Variants in DGKG observed in about 807,000 individuals in gnomAD.
The protein encoded by DGKG is DAG kinase gamma.
DGKG carries 78 observed loss-of-function variants against 105.3 expected under a neutral mutation model. The ratio of observed to expected loss-of-function variants is 0.74; its 90% confidence interval spans 0.62 to 0.89. The LOEUF is 0.89. Ranked by LOEUF, DGKG falls within the 40% of genes least tolerant of loss-of-function variation. The pLI, the probability that DGKG is intolerant of heterozygous loss-of-function variation, is 0.00. For missense variants in DGKG, 958 were observed against 1,020.1 expected, an observed-to-expected ratio of 0.94 and a Z score of 0.83; for synonymous variants, 346 against 367.1, an observed-to-expected ratio of 0.94 and a Z score of 0.66.
chr3:186,320,306 G>T, intron 2 of DGKG, 87 bp downstream of exon 2: 2 of 1,505,476 alleles, frequency 1.3e-6, no homozygotes, highest in Non-Finnish European at 1.8e-6. Flanking sequence ...TTGTGGCTTT[G>T]CAATGATCAT....
chr3:186,149,244 T>C lies in DGKG; in HGVS notation c.*846A>G. 1 of 985,124 alleles carries C rather than the reference T, an allele frequency of 1.0e-6. No individual in the cohort carries two copies. The highest frequency in any genetic ancestry group is 4.7e-5 in the South Asian group (1 of 21,284). The allele number at this position is 985,124 out of a possible 1,614,324, so 61.0% of individuals were successfully genotyped here. A position where few individuals can be genotyped will look rare whatever the true frequency, so the allele number is the denominator to read the frequency against. ...GAAAGAAGCTGGGGGTGGTTTTTTT[T>C]TTCCTTCCCTTTTTACACAATATTA... On this transcript the variant is annotated 3_prime_UTR_variant, in exon 25 of 25. Transcript: ENST00000265022.
intron 3 of DGKG, 200 bp downstream of exon 3, chr3:186,306,701 C>T (rs1724255791): frequency 3.5e-6 from 2 of 565,624 alleles, no homozygotes; most frequent in South Asian, 4.4e-5. Context: ...TAGTGGTAGT[C>T]TTCTAGGACA....
At chr3:186,224,328 A>G (rs994549701) in intron 20 of DGKG, among the ~76,000 whole-genome samples, 2 of 152,184 alleles carry the variant, frequency 1.3e-5, no homozygotes, top group African/African-American at 4.8e-5. Context: ...TTCTTCTAAA[A>G]TTATGACTCA....
At position 186,153,973 on chromosome 3, in the gene DGKG, C is replaced by T. The variant is rs183324859; in HGVS notation, c.2278-3785G>A. 3.4e-4 allele frequency among the ~76,000 whole-genome samples: 52 copies of T among 152,140 alleles called. No homozygotes were observed. In the East Asian group the frequency reaches 4.5e-3, roughly 13 times the overall value. On this transcript the variant is annotated intron_variant, in intron 24 of 24. Coordinates refer to ENST00000265022, the MANE Select transcript of DGKG (RefSeq NM_001346.3). ...TACAAAAATTAGCTAGACGTGGAGG[C>T]GCGCCCTTAGCTACTTGGAAGGCTG...
In DGKG at chr3:186,284,540, A is replaced by G. The variant is rs1380975966; in HGVS notation, c.594+120T>C. The G allele has an allele frequency of 2.3e-6, 2 of 874,980 alleles. No individual in the cohort carries two copies. Among genetic ancestry groups the G allele is most frequent in the Non-Finnish European group, 3.8e-6 (2 of 525,570 alleles). 54.2% of individuals were successfully genotyped at this position (874,980 alleles called of 1,614,324 possible). A position where few individuals can be genotyped will look rare whatever the true frequency, so the allele number is the denominator to read the frequency against. ...TCCTAGTCGGATTTCCTCAGCCTGCATCGAGACATTGCTATTACTACAAAG... is the reference window on the plus strand; with the variant it reads ...TCCTAGTCGGATTTCCTCAGCCTGCGTCGAGACATTGCTATTACTACAAAG... On this transcript the variant is annotated intron_variant, in intron 7 of 24. Coordinates refer to ENST00000265022, the MANE Select transcript of DGKG (RefSeq NM_001346.3). This position sits in a 1 kb window ranked among gnomAD's most constrained non-coding sequence, Gnocchi z 4.0.
intron 21 of DGKG, among the ~76,000 whole-genome samples, chr3:186,204,621 T>A (rs1171825001): frequency 1.1e-4 from 17 of 152,310 alleles, no homozygotes; most frequent in Non-Finnish European, 8.8e-5. Context: ...TTAAATTTTT[T>A]AAAATTTAAC....
chr3:186,269,521 T>C (rs1344893071), intron 11 of DGKG, among the ~76,000 whole-genome samples: 1 of 152,260 alleles, frequency 6.6e-6, no homozygotes, highest in Non-Finnish European at 1.5e-5. Context: ...GGTAATGCCC[T>C]TCTCCTTCCT....
chr3:186,337,809 T>C (rs1037548109), intron 1 of DGKG, among the ~76,000 whole-genome samples: 1 of 152,120 alleles, frequency 6.6e-6, no homozygotes, highest in African/African-American at 2.4e-5. Flanking sequence ...CTGCTTTCCT[T>C]TACACTAGCA....
intron 1 of DGKG, among the ~76,000 whole-genome samples, chr3:186,350,320 C>T (rs1038303080): frequency 2.0e-5 from 3 of 152,290 alleles, no homozygotes; most frequent in Middle Eastern, 3.4e-3. Context: ...CTATAAGTAC[C>T]TCATATGAGT....
intron 19 of DGKG, 126 bp from the exon 20 acceptor site, chr3:186,242,694 G>A: frequency 1.4e-6 from 1 of 738,732 alleles, no homozygotes; most frequent in Non-Finnish European, 2.1e-6. Flanking sequence ...TCGCATGGTG[G>A]GGCTCCAGGT....
Position 186,296,644 on chromosome 3 carries a change from A to C in DGKG, c.373+777T>G, listed in dbSNP as rs73885834. 6.2e-3 allele frequency among the ~76,000 whole-genome samples: 946 copies of C among 152,298 alleles called. 5 individuals are homozygous for C. Among genetic ancestry groups the C allele is most frequent in the African/African-American group, 0.022 (917 of 41,570 alleles). On this transcript the variant is annotated intron_variant, in intron 5 of 24. Transcript: ENST00000265022. Reference sequence around the variant, plus strand: ...CTGAGAGTGCAGCCTTGCTCATTCCACAGGAACCAACCACACCACCAGGAC... The same window carrying C: ...CTGAGAGTGCAGCCTTGCTCATTCCCCAGGAACCAACCACACCACCAGGAC...
rs55847621 is a variant in DGKG, at chr3:186,160,779, G to A, written c.2277+824C>T. 5,348 of 985,412 alleles carry A rather than the reference G, an allele frequency of 5.4e-3. 218 individuals are homozygous for A. In the African/African-American group the frequency reaches 0.084, roughly 15 times the overall value. 61.0% of individuals were successfully genotyped at this position (985,412 alleles called of 1,614,324 possible). A position where few individuals can be genotyped will look rare whatever the true frequency, so the allele number is the denominator to read the frequency against. ...CAGCAGAGGCCCTGAAAACCAGGAC[G>A]ACGATTGCTCTTCACCACGAGATTC... On this transcript the variant is annotated intron_variant, in intron 24 of 24. Coordinates refer to ENST00000265022, the MANE Select transcript of DGKG (RefSeq NM_001346.3).
At chr3:186,249,197 C>A (rs962204221) in intron 19 of DGKG, among the ~76,000 whole-genome samples, 14 of 152,112 alleles carry the variant, frequency 9.2e-5, no homozygotes, top group African/African-American at 3.1e-4. Context: ...GGGAAACATT[C>A]CCCTCAGCTG....
intron 2 of DGKG, among the ~76,000 whole-genome samples, chr3:186,318,951 A>G (rs1045477113): frequency 6.6e-6 from 1 of 152,222 alleles, no homozygotes; most frequent in Non-Finnish European, 1.5e-5. Context: ...GCTGCCTTAA[A>G]GCAGTTCTCT....
chr3:186,314,713 C>T (rs553346208), intron 2 of DGKG, among the ~76,000 whole-genome samples: 3 of 148,212 alleles, frequency 2.0e-5, no homozygotes, highest in African/African-American at 5.0e-5. Context: ...GAGATCGCGC[C>T]GCTGCACTCC....
At chr3:186,319,777 G>A (rs1363386721) in intron 2 of DGKG, among the ~76,000 whole-genome samples, 1 of 152,210 alleles carries the variant, frequency 6.6e-6, no homozygotes, top group Non-Finnish European at 1.5e-5. Context: ...CCACCACTGT[G>A]TCTTGCACTG....
chr3:186,288,851 C>G lies in DGKG; in HGVS notation c.403G>C (p.Ala135Pro). Residue 135 changes from alanine to proline, a missense_variant, in exon 6 of 25, where the codon GCT becomes CCT. Physicochemically the swap from Ala to Pro is conservative, Grantham distance 27. This residue lies in a region of DGKG where 643 missense variants were observed against 619.5 expected (regional missense o/e 1.04). Coordinates refer to ENST00000265022, the MANE Select transcript of DGKG (RefSeq NM_001346.3). ...GGGGTCGCAGCCACTTGGTCTTCAG[C>G]TGGTGCTTGCTTCTCAGCCATATTT... ...ESNMAEKQAP[A>P]EDQVAATPLE... 1 of 1,590,458 alleles carries G rather than the reference C, an allele frequency of 6.3e-7. No homozygotes were observed. The highest frequency in any genetic ancestry group is 8.5e-7 in the Non-Finnish European group (1 of 1,170,300).
At chr3:186,266,137 G>A (rs1484048458) in intron 13 of DGKG, among the ~76,000 whole-genome samples, 1 of 152,116 alleles carries the variant, frequency 6.6e-6, no homozygotes, top group Non-Finnish European at 1.5e-5. Context: ...GGATGGCCTC[G>A]TAACTACTAC....
At position 186,268,802 on chromosome 3, in the gene DGKG, G is replaced by T; in HGVS notation, c.1115C>A (p.Thr372Lys). ...GGGCCGCCCTGGGCGCCAACCCACC[G>T]TCATCCGGCACCACACGCAGTGCCG... The part of the protein sequence containing the change: ...TARHCVWCRM[T>K]FHRKCELSTL... Residue 372 changes from threonine to lysine, a missense_variant and splice_region_variant, in exon 12 of 25, where the codon ACG becomes AAG. This residue lies in a region of DGKG where 643 missense variants were observed against 619.5 expected (regional missense o/e 1.04). Coordinates refer to ENST00000265022, the MANE Select transcript of DGKG (RefSeq NM_001346.3). 6.2e-7 allele frequency: 1 copy of T among 1,609,722 alleles called. No individual in the cohort carries two copies.
Sources: allele counts gnomAD v4.1 joint callset (sites outside exome capture counted in the v4.1 genomes callset), GRCh38; gene constraint gnomAD v4.1.1; regional missense constraint gnomAD v4.1.1; non-coding constraint Gnocchi (gnomAD v3.1); transcripts MANE v1.5; gene names NCBI Gene and HGNC (gene_info 2026-07-23, HGNC 2026-07-21).